The following ADGRV1 variants were observed in gnomAD, a reference collection of about 807,000 sequenced individuals.
ADGRV1 encodes the protein adhesion G protein-coupled receptor V1.
ADGRV1 carries 359 observed loss-of-function variants against 596.2 expected under a neutral mutation model. That is an observed-to-expected ratio of 0.60 (90% CI 0.55 to 0.66). The LOEUF (loss-of-function observed/expected upper bound fraction) is 0.66, where lower values mean the gene tolerates loss of function less well. Ranked by LOEUF, ADGRV1 falls within the 30% of genes least tolerant of loss-of-function variation. ADGRV1 has a pLI of 0.00. For missense variants in ADGRV1, 7,274 were observed against 7,575.6 expected, an observed-to-expected ratio of 0.96 and a Z score of 1.48; for synonymous variants, 2,681 against 2,679.2, an observed-to-expected ratio of 1.00 and a Z score of -0.02.
chr5:90,694,683 A>T lies in ADGRV1; in HGVS notation c.7927A>T (p.Ile2643Phe). ...EGLDFIGAGE[I>F]LTFAEGETKK... ...TTTAGATTTTATAGGTGCTGGAGAG[A>T]TTCTGACCTTTGCTGAAGGTGAGCA... The change falls in exon 33 of 90, where the codon ATT becomes TTT. Residue 2643 changes from isoleucine to phenylalanine, a missense_variant. Physicochemically the swap from Ile to Phe is conservative, Grantham distance 21. Around this residue, in one of 5 missense-constraint regions of ADGRV1, gnomAD observed 3,643 missense variants for 3,809.2 expected, o/e 0.96. Coordinates refer to ENST00000405460, the MANE Select transcript of ADGRV1 (RefSeq NM_032119.4). The T allele has an allele frequency of 6.3e-7, 1 of 1,584,896 alleles. No individual in the cohort carries two copies. Among genetic ancestry groups the T allele is most frequent in the Non-Finnish European group, 8.6e-7 (1 of 1,164,680 alleles).
chr5:90,586,467 C>G (rs1231642562), intron 1 of ADGRV1, among the ~76,000 whole-genome samples: 1 of 152,176 alleles, frequency 6.6e-6, no homozygotes, highest in Non-Finnish European at 1.5e-5. Flanking sequence ...CTCCTACCCA[C>G]CAACCAACAG....
At chr5:90,593,711 C>T (rs763041642) in intron 1 of ADGRV1, among the ~76,000 whole-genome samples, 2 of 151,818 alleles carry the variant, frequency 1.3e-5, no homozygotes, top group African/African-American at 2.4e-5. Context: ...AACCAAATAC[C>T]ACCTGTTCTC....
At chr5:91,032,620 A>G (rs1458071721) in intron 85 of ADGRV1, among the ~76,000 whole-genome samples, 1 of 151,918 alleles carries the variant, frequency 6.6e-6, no homozygotes, top group African/African-American at 2.4e-5. Flanking sequence ...TAATTATATA[A>G]TTTATTCTTT....
intron 82 of ADGRV1, among the ~76,000 whole-genome samples, chr5:90,857,817 T>C (rs1319086714): frequency 6.6e-6 from 1 of 152,202 alleles, no homozygotes; most frequent in Non-Finnish European, 1.5e-5. Context: ...TTATATATCT[T>C]ATATACATAT....
In ADGRV1 at chr5:90,724,923, T is replaced by C. The variant is rs1199201573; in HGVS notation, c.9840T>C (p.Tyr3280=). ...WCFFTLENLI[Y]GIMLRKSSVT... is the part of the protein sequence containing the mutation. Reference sequence around the variant, plus strand: ...TCTTTACTTTGGAAAATTTAATATATGGTATAATGTTAAGAAAATCATCTG... The same window carrying C: ...TCTTTACTTTGGAAAATTTAATATACGGTATAATGTTAAGAAAATCATCTG... Residue 3280 remains tyrosine, a synonymous_variant, in exon 46 of 90, where the codon TAT becomes TAC. Transcript: ENST00000405460. The C allele has an allele frequency of 6.8e-6, 11 of 1,609,862 alleles. No individual in the cohort carries two copies. The South Asian group carries it at 1.0e-4, about 15-fold the overall frequency.
intron 11 of ADGRV1, among the ~76,000 whole-genome samples, chr5:90,638,222 C>T (rs562165469): frequency 6.6e-6 from 1 of 151,404 alleles, no homozygotes; most frequent in South Asian, 2.1e-4. Flanking sequence ...AAATATGAAA[C>T]ATAGCTAATA....
At chr5:90,824,584 A>AAAACTTTC (rs1466388313) in intron 76 of ADGRV1, among the ~76,000 whole-genome samples, 3 of 152,210 alleles carry the variant, frequency 2.0e-5, no homozygotes, top group African/African-American at 7.2e-5. Flanking sequence ...ATCAGCTACT[A>AAAACTTTC]AAACTTTCTG....
At chr5:90,844,734 G>C (rs192004333) in intron 78 of ADGRV1, among the ~76,000 whole-genome samples, 1 of 152,124 alleles carries the variant, frequency 6.6e-6, no homozygotes, top group Non-Finnish European at 1.5e-5. Flanking sequence ...GGAATAATTA[G>C]TTCTGTAAAA....
chr5:91,091,005 C>T (rs1790336510), intron 86 of ADGRV1, among the ~76,000 whole-genome samples: 1 of 152,096 alleles, frequency 6.6e-6, no homozygotes, highest in Admixed American at 6.6e-5. Flanking sequence ...AAATGCATTT[C>T]TCACCGTGGT....
intron 85 of ADGRV1, among the ~76,000 whole-genome samples, chr5:91,061,962 T>C (rs1429799818): frequency 8.5e-5 from 13 of 152,322 alleles, no homozygotes. Context: ...ACAAGAGTTA[T>C]TTCAAGTTGA....
chr5:90,926,763 G>A (rs1191999990), intron 83 of ADGRV1, among the ~76,000 whole-genome samples: 1 of 148,250 alleles, frequency 6.7e-6, no homozygotes, highest in Non-Finnish European at 1.5e-5. Flanking sequence ...TTTCTCTTGT[G>A]GGCATTTAGT....
At chr5:91,103,742 C>A (rs1199119759) in intron 87 of ADGRV1, among the ~76,000 whole-genome samples, 1 of 151,988 alleles carries the variant, frequency 6.6e-6, no homozygotes, top group Non-Finnish European at 1.5e-5. Context: ...CCTGAGCAGA[C>A]CTGATATACT....
chr5:91,076,012 G>A (rs927629152), intron 86 of ADGRV1, among the ~76,000 whole-genome samples: 2 of 152,068 alleles, frequency 1.3e-5, no homozygotes, highest in Non-Finnish European at 2.9e-5. Context: ...TAAAACCCAC[G>A]TGCTCAATAA....
At chr5:90,968,072 A>G (rs756504367) in intron 84 of ADGRV1, among the ~76,000 whole-genome samples, 9 of 152,206 alleles carry the variant, frequency 5.9e-5, no homozygotes, top group Non-Finnish European at 1.0e-4. Flanking sequence ...GCAGCTGGAC[A>G]TAACTAACCT....
intron 5 of ADGRV1, among the ~76,000 whole-genome samples, chr5:90,623,170 A>G (rs182865195): frequency 6.6e-6 from 1 of 152,348 alleles, no homozygotes; most frequent in East Asian, 1.9e-4. Flanking sequence ...CTGATCTGAT[A>G]CATTTCATGA....
chr5:90,934,553 T>C (rs1033634597), intron 83 of ADGRV1, among the ~76,000 whole-genome samples: 1 of 152,184 alleles, frequency 6.6e-6, no homozygotes, highest in African/African-American at 2.4e-5. Flanking sequence ...GCGTTTTGTT[T>C]GTGTCCTCCA....
At chr5:90,696,133 C>T (rs1747162881) in intron 33 of ADGRV1, among the ~76,000 whole-genome samples, 1 of 152,096 alleles carries the variant, frequency 6.6e-6, no homozygotes, top group South Asian at 2.1e-4. Context: ...TTCTCCTTTT[C>T]CCTGCCTTTT....
At chr5:90,898,931 G>T (rs2150624715) in intron 83 of ADGRV1, among the ~76,000 whole-genome samples, 1 of 152,208 alleles carries the variant, frequency 6.6e-6, no homozygotes, top group East Asian at 1.9e-4. Flanking sequence ...GGGAAATAGA[G>T]TGAGACCCTG....
rs572910896 is a variant in ADGRV1 at position 90,685,795 on chromosome 5, G to A, written c.6290G>A (p.Arg2097His). Residue 2097 changes from arginine to histidine, a missense_variant, in exon 29 of 90, where the codon CGT becomes CAT. By Grantham distance (29) the Arg-to-His change is conservative. This residue lies in a region of ADGRV1 where 3,643 missense variants were observed against 3,809.2 expected (regional missense o/e 0.96). Transcript: ENST00000405460. Reference sequence around the variant, plus strand: ...TGTCTTTCAGTTCCAAATTCTCCACGTCTTGGGCCTAAGGTAGAAACTATT... The same window carrying A: ...TGTCTTTCAGTTCCAAATTCTCCACATCTTGGGCCTAAGGTAGAAACTATT... ...VQSRSIPNSP[R>H]LGPKVETIAQ... The A allele has an allele frequency of 3.7e-6, 6 of 1,607,812 alleles. No homozygotes were observed. The highest frequency in any genetic ancestry group is 1.7e-4 in the Middle Eastern group (1 of 6,046).
Sources: gnomAD v4.1 joint callset for allele counts (sites outside exome capture counted in the v4.1 genomes callset) on GRCh38, gnomAD v4.1.1 for gene constraint, gnomAD v4.1.1 regional missense constraint, MANE v1.5 for transcripts, NCBI Gene and HGNC (gene_info 2026-07-23, HGNC 2026-07-21) for gene names.